CALN1: variants seen among roughly 807,000 people sequenced by gnomAD.
CALN1 encodes calcium-binding protein 8.
Under a neutral mutation model 30.6 loss-of-function variants are expected in CALN1, and 17 were observed. That is an observed-to-expected ratio of 0.56 (90% CI 0.38 to 0.83). The LOEUF (loss-of-function observed/expected upper bound fraction) is 0.83, where lower values mean the gene tolerates loss of function less well. CALN1 is among the 40% of genes least tolerant of loss of function. The probability of loss-of-function intolerance (pLI) is 0.00; values close to 1 mark genes in which losing one functional copy is unlikely to be tolerated. For missense variants in CALN1, 291 were observed against 354.9 expected, an observed-to-expected ratio of 0.82 and a Z score of 1.45; for synonymous variants, 156 against 131.4, an observed-to-expected ratio of 1.19 and a Z score of -1.28.
intron 4 of CALN1, among the ~76,000 whole-genome samples, chr7:72,062,970 C>T (rs1036175829): frequency 6.6e-6 from 1 of 152,090 alleles, no homozygotes; most frequent in Non-Finnish European, 1.5e-5. Context: ...GGAAGGAACA[C>T]ATCTCAGTTT....
At chr7:72,408,270 T>TA (rs34402288) in intron 1 of CALN1, among the ~76,000 whole-genome samples, 23,549 of 129,072 alleles carry the variant, frequency 0.18, 2,358 homozygotes, top group East Asian at 0.42. Context: ...CCATCTCTAT[T>TA]AAAAAAAAAA....
chr7:71,889,566 T>C (rs1793115950), intron 5 of CALN1, among the ~76,000 whole-genome samples: 1 of 152,102 alleles, frequency 6.6e-6, no homozygotes, highest in Non-Finnish European at 1.5e-5. Context: ...CTCCAAATCA[T>C]GACCTTGAAG....
At chr7:71,952,503 C>T (rs1796742687) in intron 5 of CALN1, among the ~76,000 whole-genome samples, 1 of 152,202 alleles carries the variant, frequency 6.6e-6, no homozygotes, top group African/African-American at 2.4e-5. Context: ...GTCCCTTGGC[C>T]AGGCGGCAAT....
intron 3 of CALN1, among the ~76,000 whole-genome samples, chr7:72,147,975 G>A (rs1407708830): frequency 2.0e-5 from 3 of 150,836 alleles, no homozygotes; most frequent in Non-Finnish European, 4.4e-5. Flanking sequence ...GATAGCATTA[G>A]GAGATATACT....
the CALN1 span, among the ~76,000 whole-genome samples, chr7:72,495,802 C>T: frequency 6.6e-6 from 1 of 152,206 alleles, no homozygotes; most frequent in African/African-American, 2.4e-5. Context: ...TAATATTGCT[C>T]TGATATCTAG....
intron 2 of CALN1, among the ~76,000 whole-genome samples, chr7:72,380,921 G>T: frequency 6.6e-6 from 1 of 152,186 alleles, no homozygotes; most frequent in East Asian, 1.9e-4. Context: ...CATGGCCTTT[G>T]TGAGACTGGG....
the CALN1 span, among the ~76,000 whole-genome samples, chr7:72,499,826 C>CTTCTTCTTTCTTTCTTTCT: frequency 1.9e-5 from 1 of 53,298 alleles, no homozygotes; most frequent in Non-Finnish European, 3.4e-5. Flanking sequence ...TCCTTCCTTC[C>CTTCTTCTTTCTTTCTTTCT]TTCTTTCTTT....
In CALN1 at chr7:72,141,482, C is replaced by T. The variant is rs538639236; in HGVS notation, c.245-35188G>A. On this transcript the variant is annotated intron_variant, in intron 3 of 6. Coordinates refer to ENST00000395275, the MANE Select transcript of CALN1 (RefSeq NM_031468.4). ...GGGTGTGATGGCACTTTGAGACCAC[C>T]GACCCTTCGGCTAGGCCTATGCACG... Among the ~76,000 whole-genome samples, 125 of 151,932 alleles carry T rather than the reference C, an allele frequency of 8.2e-4. 2 individuals carry two copies. The highest frequency in any genetic ancestry group is 6.2e-4 in the Non-Finnish European group (42 of 67,978).
intron 4 of CALN1, among the ~76,000 whole-genome samples, chr7:72,029,549 C>A (rs1801304560): frequency 6.6e-6 from 1 of 152,304 alleles, no homozygotes; most frequent in East Asian, 1.9e-4. Flanking sequence ...CCAGAAACAC[C>A]AAACCATGAT....
At chr7:72,039,270 G>C (rs1801982160) in intron 4 of CALN1, among the ~76,000 whole-genome samples, 1 of 152,214 alleles carries the variant, frequency 6.6e-6, no homozygotes, top group South Asian at 2.1e-4. Context: ...GAAGAGAAGA[G>C]GACTCAGCAA....
chr7:72,221,112 C>T (rs1793254977), intron 3 of CALN1, among the ~76,000 whole-genome samples: 1 of 151,938 alleles, frequency 6.6e-6, no homozygotes, highest in African/African-American at 2.4e-5. Context: ...ACATGAAATC[C>T]TTGCAAATTT....
At chr7:72,204,429 A>G (rs1364414240) in intron 3 of CALN1, among the ~76,000 whole-genome samples, 2 of 152,180 alleles carry the variant, frequency 1.3e-5, no homozygotes, top group Non-Finnish European at 2.9e-5. Context: ...ACCATATTGC[A>G]TTCCAGTCCA....
chr7:72,310,907 TAAA>T (rs5884884), intron 2 of CALN1, among the ~76,000 whole-genome samples: 2 of 113,726 alleles, frequency 1.8e-5, no homozygotes, highest in African/African-American at 3.1e-5. Context: ...GACTCCGTCT[TAAA>T]AAAAAAAAAA....
chr7:72,296,901 C>G (rs1798903298), intron 2 of CALN1, among the ~76,000 whole-genome samples: 2 of 151,542 alleles, frequency 1.3e-5, no homozygotes, highest in Non-Finnish European at 2.9e-5. Context: ...CTTCTGCTAG[C>G]TTTTGAATGT....
chr7:71,883,194 G>T (rs1188633766), intron 5 of CALN1, among the ~76,000 whole-genome samples: 6 of 151,942 alleles, frequency 3.9e-5, no homozygotes, highest in African/African-American at 1.5e-4. Context: ...CATTTTGTTT[G>T]TTCACTGTTG....
chr7:72,336,239 AAG>A (rs1157861379), intron 2 of CALN1, among the ~76,000 whole-genome samples: 1 of 152,118 alleles, frequency 6.6e-6, no homozygotes, highest in Non-Finnish European at 1.5e-5. Flanking sequence ...CGGCTTCGCG[AAG>A]AGACCTGGTT....
At chr7:72,017,965 G>C in intron 5 of CALN1, among the ~76,000 whole-genome samples, 1 of 152,250 alleles carries the variant, frequency 6.6e-6, no homozygotes, top group Non-Finnish European at 1.5e-5. Context: ...GTTAACAGAA[G>C]TGTTGGCTGG....
At chr7:72,317,875 G>C (rs946711537) in intron 2 of CALN1, among the ~76,000 whole-genome samples, 1 of 152,100 alleles carries the variant, frequency 6.6e-6, no homozygotes, top group African/African-American at 2.4e-5. Context: ...AGATGAAAAA[G>C]TAAGGACATG....
At chr7:72,080,856 C>T (rs562417315) in intron 4 of CALN1, among the ~76,000 whole-genome samples, 1 of 152,024 alleles carries the variant, frequency 6.6e-6, no homozygotes, top group Admixed American at 6.5e-5. Context: ...GGTTTGAGAT[C>T]GTGTTAGTGT....
Sources: allele counts gnomAD v4.1 joint callset (sites outside exome capture counted in the v4.1 genomes callset), GRCh38; gene constraint gnomAD v4.1.1; transcripts MANE v1.5; gene names NCBI Gene and HGNC (gene_info 2026-07-23, HGNC 2026-07-21).